Variants in CCDC30 observed in about 807,000 individuals in gnomAD.
CCDC30 encodes the protein coiled-coil domain containing 30, also known as coiled-coil domain-containing protein 30.
A neutral mutation model predicts 100.2 loss-of-function variants in CCDC30; 70 were observed. That is an observed-to-expected ratio of 0.70 (90% CI 0.58 to 0.85). CCDC30 has a LOEUF of 0.85. CCDC30 is among the 40% of genes least tolerant of loss of function. The probability of loss-of-function intolerance (pLI) is 0.00; values close to 1 mark genes in which losing one functional copy is unlikely to be tolerated. For missense variants in CCDC30, 652 were observed against 771.2 expected (o/e 0.85, Z 1.83); for synonymous variants, 233 against 269.5 (o/e 0.86, Z 1.33).
intron 11 of CCDC30, among the ~76,000 whole-genome samples, chr1:42,613,277 C>A (rs1419790936): frequency 6.6e-6 from 1 of 151,962 alleles, no homozygotes; most frequent in African/African-American, 2.4e-5. Flanking sequence ...TTTTTTGAGG[C>A]GGAAACTCGC....
At chr1:42,528,631 C>T (rs553929799) in intron 6 of CCDC30, among the ~76,000 whole-genome samples, 3 of 152,306 alleles carry the variant, frequency 2.0e-5, no homozygotes, top group South Asian at 2.1e-4. Flanking sequence ...CATTGATAAC[C>T]TGTAGAGGAA....
At chr1:42,653,898 G>A in exon 17 of CCDC30, 2 of 1,614,088 alleles carry the variant, frequency 1.2e-6, no homozygotes, top group South Asian at 1.1e-5. Context: ...GCAATGGCAA[G>A]TTCAAAGTCC....
At chr1:42,621,497 T>TTTTA (rs148757100) in intron 11 of CCDC30, among the ~76,000 whole-genome samples, 31,284 of 145,178 alleles carry the variant, frequency 0.22, 3,719 homozygotes, top group Middle Eastern at 0.26. Context: ...GTTTATTTTA[T>TTTTA]TTTATTTATT....
chr1:42,539,193 A>G, intron 6 of CCDC30: 1 of 1,592,536 alleles, frequency 6.3e-7, no homozygotes, highest in Non-Finnish European at 8.5e-7. Flanking sequence ...AATCAAAGTC[A>G]GAGCTTATAT....
chr1:42,539,709 C>T (rs540063278), intron 6 of CCDC30, among the ~76,000 whole-genome samples: 9 of 152,178 alleles, frequency 5.9e-5, no homozygotes, highest in African/African-American at 2.2e-4. Context: ...AGGACCAAAG[C>T]GTCTTTCTCA....
intron 7 of CCDC30, among the ~76,000 whole-genome samples, chr1:42,575,658 A>AAAAAAAAAAAAAAAG (rs1645821095): frequency 6.7e-6 from 1 of 149,118 alleles, no homozygotes; most frequent in African/African-American, 2.5e-5. Flanking sequence ...TCAAAAAAAA[A>AAAAAAAAAAAAAAAG]GAAGCAAACA....
chr1:42,465,351 GT>G (rs1569655000), intron 1 of CCDC30, among the ~76,000 whole-genome samples: 2 of 151,640 alleles, frequency 1.3e-5, no homozygotes, highest in Admixed American at 1.3e-4. Flanking sequence ...AGTTTTTTTT[GT>G]TTTTGTTTTT....
intron 6 of CCDC30, among the ~76,000 whole-genome samples, chr1:42,551,264 G>A (rs1341924897): frequency 6.6e-6 from 1 of 152,126 alleles, no homozygotes; most frequent in Non-Finnish European, 1.5e-5. Context: ...TCTTGAATCT[G>A]TATATGTTTG....
At chr1:42,538,754 T>C (rs1644957289) in intron 6 of CCDC30, among the ~76,000 whole-genome samples, 2 of 152,222 alleles carry the variant, frequency 1.3e-5, no homozygotes, top group Admixed American at 1.3e-4. Flanking sequence ...AATTCCCTTA[T>C]AAAGTTGTCA....
chr1:42,506,733 C>T (rs1046663244), intron 6 of CCDC30, among the ~76,000 whole-genome samples: 1 of 152,106 alleles, frequency 6.6e-6, no homozygotes, highest in African/African-American at 2.4e-5. Context: ...AATTTTGAAA[C>T]TTGAAGTTTG....
intron 10 of CCDC30, among the ~76,000 whole-genome samples, chr1:42,603,716 G>T (rs1646450120): frequency 6.6e-6 from 1 of 152,178 alleles, no homozygotes; most frequent in African/African-American, 2.4e-5. Context: ...AAGACAGTTT[G>T]CTGGTTTTCA....
rs760685126 is a variant in CCDC30, at chr1:42,545,186, A to AAAAAAAAAAT, written c.457-21108_457-21107insAAAAAAATAA. The stretch of plus-strand genomic sequence containing the variant: ...TTAAAAAAAAAAAAAAAAAAAAAAA[A>AAAAAAAAAAT]AAGGGAATTTACATACCCTTATGCC... On this transcript the variant is annotated intron_variant, in intron 6 of 16. Transcript: ENST00000668663. Among the ~76,000 whole-genome samples, 372 of 126,040 alleles carry AAAAAAAAAAT rather than the reference A, an allele frequency of 3.0e-3. 13 individuals are homozygous for AAAAAAAAAAT. Among genetic ancestry groups the AAAAAAAAAAT allele is most frequent in the Non-Finnish European group, 4.6e-3 (265 of 57,230 alleles). The allele number at this position is 126,040 out of a possible 152,430, so 82.7% of individuals were successfully genotyped here.
At chr1:42,610,286 C>A (rs1646591847) in intron 10 of CCDC30, among the ~76,000 whole-genome samples, 1 of 152,226 alleles carries the variant, frequency 6.6e-6, no homozygotes, top group Admixed American at 6.5e-5. Context: ...AGTCAGATAA[C>A]CAATCCCAAA....
downstream of CCDC30, among the ~76,000 whole-genome samples, chr1:42,655,554 TAAATA>T (rs556487687): frequency 7.0e-4 from 106 of 151,454 alleles, 1 homozygote; most frequent in Non-Finnish European, 1.3e-3. Flanking sequence ...CTCGAAAAAA[TAAATA>T]AAATAAAATA....
intron 6 of CCDC30, among the ~76,000 whole-genome samples, chr1:42,549,912 T>C (rs760541894): frequency 1.3e-5 from 2 of 152,232 alleles, no homozygotes; most frequent in Non-Finnish European, 2.9e-5. Flanking sequence ...ACACTCTCAT[T>C]CACTATTTCA....
intron 11 of CCDC30, among the ~76,000 whole-genome samples, chr1:42,626,129 GT>G (rs1329469557): frequency 6.6e-6 from 1 of 151,946 alleles, no homozygotes; most frequent in Non-Finnish European, 1.5e-5. Flanking sequence ...TTTTCTTATA[GT>G]TTTTGTTTCA....
At chr1:42,519,362 A>C (rs557677726) in intron 6 of CCDC30, among the ~76,000 whole-genome samples, 1 of 152,286 alleles carries the variant, frequency 6.6e-6, no homozygotes, top group South Asian at 2.1e-4. Flanking sequence ...AAAGGATATT[A>C]GTTCTTTTTT....
At chr1:42,592,494 C>T (rs1368954578) in intron 10 of CCDC30, 4 of 152,168 alleles carry the variant, frequency 2.6e-5, no homozygotes, top group African/African-American at 7.2e-5. Flanking sequence ...TGACCTTGAA[C>T]TTGAGCTCAG....
At chr1:42,566,910 T>A (rs1645617545) in intron 7 of CCDC30, among the ~76,000 whole-genome samples, 1 of 152,086 alleles carries the variant, frequency 6.6e-6, no homozygotes, top group Admixed American at 6.6e-5. Flanking sequence ...TAAGGCAACA[T>A]CCCCCAAAAG....
Sources: gnomAD v4.1 joint callset for allele counts (sites outside exome capture counted in the v4.1 genomes callset) on GRCh38, gnomAD v4.1.1 for gene constraint, MANE v1.5 for transcripts, NCBI Gene and HGNC (gene_info 2026-07-23, HGNC 2026-07-21) for gene names.